STRN: variants seen among roughly 807,000 people sequenced by gnomAD.
STRN encodes the protein striatin, also known as protein phosphatase 2 regulatory subunit B'''alpha.
In STRN, 53 loss-of-function variants were observed where a neutral mutation model predicts 96.3. The observed-to-expected ratio is 0.55, with a 90% CI of 0.44 to 0.69. The LOEUF is 0.69. Ranked by LOEUF, STRN falls within the 30% of genes least tolerant of loss-of-function variation. The probability of loss-of-function intolerance (pLI) is 0.00; values close to 1 mark genes in which losing one functional copy is unlikely to be tolerated. For missense variants in STRN, 987 were observed against 963.9 expected (o/e 1.02, Z -0.32); for synonymous variants, 428 against 355.9 (o/e 1.20, Z -2.28).
At chr2:36,926,087 G>A (rs1670401510) in intron 1 of STRN, among the ~76,000 whole-genome samples, 1 of 152,130 alleles carries the variant, frequency 6.6e-6, no homozygotes. Flanking sequence ...TTGGGAAAAG[G>A]AAAATTAGAG....
intron 1 of STRN, among the ~76,000 whole-genome samples, chr2:36,957,611 C>T (rs4016031): frequency 0.43 from 64,807 of 151,396 alleles, 14,418 homozygotes; most frequent in East Asian, 0.66. Flanking sequence ...AATAAAGTGG[C>T]CCCAGACTGG....
intron 15 of STRN, among the ~76,000 whole-genome samples, chr2:36,851,743 C>A (rs1668227652): frequency 6.6e-6 from 1 of 152,202 alleles, no homozygotes; most frequent in African/African-American, 2.4e-5. Context: ...TCATCACTTA[C>A]ATGGAGATAA....
intron 1 of STRN, among the ~76,000 whole-genome samples, chr2:36,958,358 G>T (rs534573135): frequency 5.9e-5 from 9 of 152,102 alleles, no homozygotes; most frequent in Non-Finnish European, 8.8e-5. Context: ...TAAAGGAAAC[G>T]CAAAGACACT....
rs1229254007 is a variant in STRN at position 36,848,833 on chromosome 2, T to C, written c.*623A>G. 6.6e-6 allele frequency: 1 copy of C among 152,668 alleles called. No individual in the cohort carries two copies. The highest frequency in any genetic ancestry group is 1.5e-5 in the Non-Finnish European group (1 of 68,066). The allele number at this position is 152,668 out of a possible 1,614,324, so 9.5% of individuals were successfully genotyped here. A position where few individuals can be genotyped will look rare whatever the true frequency, so the allele number is the denominator to read the frequency against. On this transcript the variant is annotated 3_prime_UTR_variant, in exon 18 of 18. Coordinates refer to ENST00000263918, the MANE Select transcript of STRN (RefSeq NM_003162.4). ...GCTTGCAAACTATTTGTCTAGCATTTCTGAATAATAATATATTTAACATAT... is the reference window on the plus strand; with the variant it reads ...GCTTGCAAACTATTTGTCTAGCATTCCTGAATAATAATATATTTAACATAT...
At chr2:36,946,353 T>C (rs541714454) in intron 1 of STRN, among the ~76,000 whole-genome samples, 2 of 152,180 alleles carry the variant, frequency 1.3e-5, no homozygotes, top group Non-Finnish European at 2.9e-5. Flanking sequence ...AGCTTTCCCA[T>C]GTGTTGGAAA....
chr2:36,859,689 A>G (rs1381390110), intron 13 of STRN, among the ~76,000 whole-genome samples: 1 of 152,222 alleles, frequency 6.6e-6, no homozygotes, highest in Non-Finnish European at 1.5e-5. Context: ...ATAAATGTCA[A>G]TATTTAAGGC....
At chr2:36,916,301 T>C (rs1202607702) in intron 2 of STRN, 150 bp from the exon 3 acceptor site, 9 of 658,898 alleles carry the variant, frequency 1.4e-5, no homozygotes, top group African/African-American at 3.6e-5. Flanking sequence ...AAAGTTATAA[T>C]ACAAAAGTGC....
chr2:36,956,581 G>A (rs1009239921), intron 1 of STRN, among the ~76,000 whole-genome samples: 1 of 152,204 alleles, frequency 6.6e-6, no homozygotes, highest in Non-Finnish European at 1.5e-5. Flanking sequence ...ACATCAAGGA[G>A]ATAGCAGGTG....
intron 1 of STRN, among the ~76,000 whole-genome samples, chr2:36,928,449 C>T (rs1415546824): frequency 6.7e-6 from 1 of 148,856 alleles, no homozygotes; most frequent in African/African-American, 2.5e-5. Flanking sequence ...GTCAAGAGTT[C>T]GAGACCAGCC....
intron 6 of STRN, 70 bp downstream of exon 6, chr2:36,899,453 C>A (rs929424131): frequency 1.1e-5 from 15 of 1,334,830 alleles, no homozygotes; most frequent in Admixed American, 6.2e-5. Flanking sequence ...AACATGGATT[C>A]TTTTATGCAT....
At chr2:36,923,187 C>T (rs868592326) in intron 2 of STRN, among the ~76,000 whole-genome samples, 1 of 149,378 alleles carries the variant, frequency 6.7e-6, no homozygotes, top group African/African-American at 2.5e-5. Context: ...CATTCGCTCA[C>T]GCCTGTAATC....
In STRN at chr2:36,914,967, G is replaced by C. The variant is rs185263736; in HGVS notation, c.412+1111C>G. On this transcript the variant is annotated intron_variant, in intron 3 of 17. Coordinates refer to ENST00000263918, the MANE Select transcript of STRN (RefSeq NM_003162.4). The stretch of plus-strand genomic sequence containing the variant: ...ATCCCAGCACTTTGGGAGGCCGAGG[G>C]GGGGCGGATCCCGAGGTCAGGAGAT... Among the ~76,000 whole-genome samples the C allele has an allele frequency of 8.0e-3, 1,210 of 151,938 alleles. 17 individuals are homozygous for C. Among genetic ancestry groups the C allele is most frequent in the African/African-American group, 0.028 (1,153 of 41,492 alleles).
chr2:36,882,703 A>G (rs569834468), intron 9 of STRN, among the ~76,000 whole-genome samples: 1 of 152,246 alleles, frequency 6.6e-6, no homozygotes, highest in Non-Finnish European at 1.5e-5. Context: ...TGAGAGGTCA[A>G]GGTTGTGGTG....
Position 36,846,387 on chromosome 2 carries a change from T to TTCTATA in STRN, c.*3068_*3069insTATAGA, listed in dbSNP as rs1314756009. 1 of 78,342 alleles carries TTCTATA rather than the reference T, an allele frequency of 1.3e-5. No homozygotes were observed. Among genetic ancestry groups the TTCTATA allele is most frequent in the Non-Finnish European group, 2.2e-5 (1 of 46,196 alleles). The allele number at this position is 78,342 out of a possible 1,614,324, so 4.9% of individuals were successfully genotyped here. ...CAAAACAGTAAAATGCACCTATGGT[T>TTCTATA]TATATATATATATATATATATATAT... On this transcript the variant is annotated 3_prime_UTR_variant, in exon 18 of 18. Coordinates refer to ENST00000263918, the MANE Select transcript of STRN (RefSeq NM_003162.4).
intron 7 of STRN, among the ~76,000 whole-genome samples, chr2:36,888,824 G>A (rs185249586): frequency 6.6e-6 from 1 of 152,084 alleles, no homozygotes; most frequent in African/African-American, 2.4e-5. Flanking sequence ...GGGACAACAG[G>A]TGTGTACCAC....
In STRN at chr2:36,845,910, T is replaced by TGCATGCACACACACACACACACACAC. The variant is rs1668058788; in HGVS notation, c.*3520_*3545dup. 74 of 26,616 alleles carry TGCATGCACACACACACACACACACAC rather than the reference T, an allele frequency of 2.8e-3. No individual in the cohort carries two copies. The highest frequency in any genetic ancestry group is 7.4e-3 in the African/African-American group (67 of 9,044). The allele number at this position is 26,616 out of a possible 1,614,324, so 1.6% of individuals were successfully genotyped here. ...ACACACACACACACACACACACGCA[T>TGCATGCACACACACACACACACACAC]GCATGCACACACACACACACACACA... On this transcript the variant is annotated 3_prime_UTR_variant, in exon 18 of 18. Transcript: ENST00000263918.
At chr2:36,932,434 C>G (rs563966774) in intron 1 of STRN, among the ~76,000 whole-genome samples, 1 of 152,164 alleles carries the variant, frequency 6.6e-6, no homozygotes, top group Non-Finnish European at 1.5e-5. Flanking sequence ...GGATTACACG[C>G]GTGAGCCACC....
chr2:36,952,228 C>G (rs145707433), intron 1 of STRN, among the ~76,000 whole-genome samples: 2 of 152,156 alleles, frequency 1.3e-5, no homozygotes, highest in Non-Finnish European at 2.9e-5. Flanking sequence ...ATTTTAACAT[C>G]TTTTCGGATT....
chr2:36,860,291 C>T (rs1360283957), intron 13 of STRN, among the ~76,000 whole-genome samples: 2 of 152,106 alleles, frequency 1.3e-5, no homozygotes, highest in Non-Finnish European at 2.9e-5. Flanking sequence ...GAATGAGGGA[C>T]AGTTGATCCT....
Sources: gnomAD v4.1 joint callset for allele counts (sites outside exome capture counted in the v4.1 genomes callset) on GRCh38, gnomAD v4.1.1 for gene constraint, MANE v1.5 for transcripts, NCBI Gene and HGNC (gene_info 2026-07-23, HGNC 2026-07-21) for gene names.